The following GABRA2 variants were observed in gnomAD, a reference collection of about 807,000 sequenced individuals.
The protein encoded by GABRA2 is gamma-aminobutyric acid receptor subunit alpha-2.
A neutral mutation model predicts 48.7 loss-of-function variants in GABRA2; 16 were observed. The ratio of observed to expected loss-of-function variants is 0.33; its 90% CI spans 0.22 to 0.50. The LOEUF is 0.50. GABRA2 is among the 20% of genes least tolerant of loss of function. GABRA2 has a pLI of 0.98. For synonymous variants in GABRA2, 185 were observed against 184.5 expected, an observed-to-expected ratio of 1.00 and a Z score of -0.02; for missense variants, 275 against 535.6, an observed-to-expected ratio of 0.51 and a Z score of 4.80.
chr4:46,337,448 G>T (rs920767901), intron 3 of GABRA2, among the ~76,000 whole-genome samples: 1 of 152,028 alleles, frequency 6.6e-6, no homozygotes, highest in Non-Finnish European at 1.5e-5. Context: ...TATCAAAACA[G>T]ACCTGATATG....
intron 9 of GABRA2, among the ~76,000 whole-genome samples, chr4:46,257,073 T>TA (rs1715983624): frequency 6.6e-6 from 1 of 151,666 alleles, no homozygotes; most frequent in South Asian, 2.1e-4. Context: ...TAACAGTAGA[T>TA]ACGATGATGA....
intron 8 of GABRA2, among the ~76,000 whole-genome samples, chr4:46,279,103 G>A (rs981881680): frequency 2.0e-5 from 3 of 152,012 alleles, no homozygotes; most frequent in East Asian, 1.9e-4. Context: ...TTTGTGCGCC[G>A]TGTTTCCCAT....
chr4:46,315,144 T>A (rs906648451), intron 4 of GABRA2, among the ~76,000 whole-genome samples: 1 of 151,600 alleles, frequency 6.6e-6, no homozygotes, highest in African/African-American at 2.4e-5. Flanking sequence ...CATCTGTTTT[T>A]TTTTTTTTTC....
At chr4:46,273,326 T>C (rs769666261) in intron 8 of GABRA2, among the ~76,000 whole-genome samples, 1 of 151,480 alleles carries the variant, frequency 6.6e-6, no homozygotes, top group Non-Finnish European at 1.5e-5. Flanking sequence ...TTGGCCATTA[T>C]TACCTCAAAT....
At chr4:46,274,658 G>A (rs372296003) in intron 8 of GABRA2, among the ~76,000 whole-genome samples, 4 of 151,994 alleles carry the variant, frequency 2.6e-5, no homozygotes, top group Admixed American at 1.3e-4. Flanking sequence ...ATAAGCATAC[G>A]TGCCTTAAAT....
At chr4:46,389,447 CCAGG>C in intron 1 of GABRA2, 1 of 966,748 alleles carries the variant, frequency 1.0e-6, no homozygotes, top group South Asian at 4.8e-5. Context: ...CAAACACCAG[CCAGG>C]CAGGCAGCGG....
chr4:46,306,805 G>A (rs1369681707), intron 6 of GABRA2, among the ~76,000 whole-genome samples: 1 of 152,066 alleles, frequency 6.6e-6, no homozygotes, highest in Non-Finnish European at 1.5e-5. Context: ...AGCTTTAATA[G>A]CACCATACTG....
chr4:46,304,764 C>G (rs543939099), intron 7 of GABRA2, among the ~76,000 whole-genome samples: 2 of 151,650 alleles, frequency 1.3e-5, no homozygotes, highest in Non-Finnish European at 2.9e-5. Flanking sequence ...CCCGTCTCTA[C>G]TAAAAATACA....
At chr4:46,369,444 T>G (rs1233635426) in intron 3 of GABRA2, among the ~76,000 whole-genome samples, 2 of 152,112 alleles carry the variant, frequency 1.3e-5, no homozygotes, top group African/African-American at 4.8e-5. Context: ...AGCAAGAAAC[T>G]GAATAGGAGT....
intron 8 of GABRA2, among the ~76,000 whole-genome samples, chr4:46,300,280 T>C (rs2109604086): frequency 6.6e-6 from 1 of 152,016 alleles, no homozygotes; most frequent in Admixed American, 6.6e-5. Context: ...ACATTTGATA[T>C]CATATATTCA....
At chr4:46,265,437 T>A (rs1228380862) in intron 8 of GABRA2, among the ~76,000 whole-genome samples, 1 of 124,716 alleles carries the variant, frequency 8.0e-6, no homozygotes, top group African/African-American at 4.0e-5. Flanking sequence ...TATATATATA[T>A]AATATATTGT....
intron 3 of GABRA2, among the ~76,000 whole-genome samples, chr4:46,343,585 G>C (rs1453623201): frequency 6.6e-6 from 1 of 151,918 alleles, no homozygotes; most frequent in Admixed American, 6.6e-5. Context: ...AGAGAACAGA[G>C]AGGGAGTAGA....
intron 8 of GABRA2, among the ~76,000 whole-genome samples, chr4:46,276,231 T>G (rs1273849599): frequency 6.6e-6 from 1 of 152,028 alleles, no homozygotes; most frequent in Admixed American, 6.6e-5. Context: ...ATGGGTTTAC[T>G]GAATGTAGTC....
At chr4:46,289,883 A>AT (rs989670704) in intron 8 of GABRA2, among the ~76,000 whole-genome samples, 3 of 124,302 alleles carry the variant, frequency 2.4e-5, no homozygotes, top group African/African-American at 3.2e-5. Flanking sequence ...AGTTTATTTT[A>AT]TTTATTTATT....
At chr4:46,289,874 G>C (rs566307752) in intron 8 of GABRA2, among the ~76,000 whole-genome samples, 26 of 136,532 alleles carry the variant, frequency 1.9e-4, no homozygotes, top group Admixed American at 2.1e-4. Context: ...GAGTATACCA[G>C]TTTATTTTAT....
At chr4:46,336,043 G>A (rs544088263) in intron 3 of GABRA2, among the ~76,000 whole-genome samples, 2 of 151,796 alleles carry the variant, frequency 1.3e-5, no homozygotes, top group African/African-American at 2.4e-5. Flanking sequence ...TCTTGTGTTT[G>A]GTCTGTCTCC....
intron 8 of GABRA2, among the ~76,000 whole-genome samples, chr4:46,266,522 T>C (rs1481516540): frequency 6.6e-6 from 1 of 151,022 alleles, no homozygotes; most frequent in Non-Finnish European, 1.5e-5. Flanking sequence ...TTATATGAGG[T>C]GTTACTTTGC....
intron 6 of GABRA2, among the ~76,000 whole-genome samples, chr4:46,308,757 G>A (rs1376544870): frequency 2.6e-5 from 4 of 152,056 alleles, no homozygotes; most frequent in Non-Finnish European, 5.9e-5. Flanking sequence ...TGCAGTATAA[G>A]AGATTTTTAA....
At chr4:46,370,163 T>C (rs1714661240) in intron 3 of GABRA2, among the ~76,000 whole-genome samples, 1 of 151,776 alleles carries the variant, frequency 6.6e-6, no homozygotes, top group Non-Finnish European at 1.5e-5. Context: ...AAGGAGTTCA[T>C]GTGAGCAATA....
Sources: allele counts gnomAD v4.1 joint callset (sites outside exome capture counted in the v4.1 genomes callset), GRCh38; gene constraint gnomAD v4.1.1; transcripts MANE v1.5; gene names NCBI Gene and HGNC (gene_info 2026-07-23, HGNC 2026-07-21).